The following BCL2 variants were observed in gnomAD, a reference collection of about 807,000 sequenced individuals.
BCL2 encodes the protein BCL2 apoptosis regulator.
In BCL2, 1 loss-of-function variant was observed where a neutral mutation model predicts 14.2. The ratio of observed to expected loss-of-function variants is 0.07; its 90% CI spans 0.02 to 0.33. The LOEUF (loss-of-function observed/expected upper bound fraction) is 0.33, where lower values mean the gene tolerates loss of function less well. Among genes scored for constraint, BCL2 ranks in the 10% least tolerant of loss-of-function variants. The probability of loss-of-function intolerance (pLI) is 0.99; values close to 1 mark genes in which losing one functional copy is unlikely to be tolerated. For synonymous variants in BCL2, 151 were observed against 137.2 expected (o/e 1.10, Z -0.70); for missense variants, 247 against 305.9 (o/e 0.81, Z 1.44).
intron 2 of BCL2, among the ~76,000 whole-genome samples, chr18:63,234,578 C>T (rs141192220): frequency 4.4e-4 from 67 of 152,292 alleles, no homozygotes; most frequent in Admixed American, 1.2e-3. Flanking sequence ...AACACTACCA[C>T]GCTGAGTGAC....
intron 2 of BCL2, among the ~76,000 whole-genome samples, chr18:63,263,591 A>G (rs1911725350): frequency 6.6e-6 from 1 of 152,178 alleles, no homozygotes. Context: ...TTTCTAGTTC[A>G]TTACTTTTAC....
intron 2 of BCL2, among the ~76,000 whole-genome samples, chr18:63,160,818 G>A (rs765059067): frequency 9.9e-5 from 15 of 152,024 alleles, no homozygotes; most frequent in Admixed American, 2.0e-4. Flanking sequence ...GTGGGGGTAA[G>A]GGTACCCCTG....
chr18:63,302,703 A>G, intron 2 of BCL2: 3 of 985,206 alleles, frequency 3.0e-6, no homozygotes, highest in Non-Finnish European at 3.6e-6. Context: ...AATAAATGAG[A>G]AAGTAGGGGG....
intron 2 of BCL2, among the ~76,000 whole-genome samples, chr18:63,171,423 A>C (rs1915217709): frequency 6.6e-6 from 1 of 152,236 alleles, no homozygotes; most frequent in South Asian, 2.1e-4. Flanking sequence ...GATCCTGATA[A>C]ACTCAGATAA....
chr18:63,233,676 T>C (rs1367263091), intron 2 of BCL2, among the ~76,000 whole-genome samples: 1 of 152,148 alleles, frequency 6.6e-6, no homozygotes, highest in Non-Finnish European at 1.5e-5. Flanking sequence ...CCTTCTGCGG[T>C]GCTGCCAGGT....
intron 2 of BCL2, among the ~76,000 whole-genome samples, chr18:63,213,547 A>AACAC (rs57058660): frequency 0.34 from 50,295 of 146,136 alleles, 9,141 homozygotes; most frequent in Middle Eastern, 0.49. Context: ...CACACACATA[A>AACAC]ACACACACAC....
intron 2 of BCL2, among the ~76,000 whole-genome samples, chr18:63,280,741 A>G (rs1196114859): frequency 1.3e-5 from 2 of 152,250 alleles, no homozygotes; most frequent in East Asian, 3.8e-4. Context: ...GTAGAAATGT[A>G]AAATGGTGCA....
intron 2 of BCL2, among the ~76,000 whole-genome samples, chr18:63,263,771 T>C (rs1911731908): frequency 6.6e-6 from 1 of 152,174 alleles, no homozygotes; most frequent in Non-Finnish European, 1.5e-5. Context: ...TTACTCCTCT[T>C]CAACTCAGTA....
intron 2 of BCL2, among the ~76,000 whole-genome samples, chr18:63,183,389 T>C (rs1244586266): frequency 1.3e-5 from 2 of 152,064 alleles, no homozygotes; most frequent in African/African-American, 4.8e-5. Context: ...GCAGGCTTCA[T>C]GGAAGTTGAG....
rs1479467255 is a variant in BCL2 at position 63,194,901 on chromosome 18, G to A, written c.586-66142C>T. Among the ~76,000 whole-genome samples the A allele has an allele frequency of 5.3e-5, 8 of 152,172 alleles. No homozygotes were observed. The East Asian group carries it at 9.6e-4, about 18-fold the overall frequency. On this transcript the variant is annotated intron_variant, in intron 2 of 2. Coordinates refer to ENST00000333681, the MANE Select transcript of BCL2 (RefSeq NM_000633.3). ...GACTCAGCTTCAGGATCTGAGAGTC[G>A]GCCTGGGGAAGTCCTGGTAACCTGC...
At chr18:63,131,988 C>A (rs1914080408) in intron 2 of BCL2, among the ~76,000 whole-genome samples, 1 of 152,206 alleles carries the variant, frequency 6.6e-6, no homozygotes. Flanking sequence ...AATAACAGTG[C>A]TTCTCATGAA....
At chr18:63,303,400 C>T (rs1025680015) in intron 2 of BCL2, among the ~76,000 whole-genome samples, 2 of 152,090 alleles carry the variant, frequency 1.3e-5, no homozygotes, top group African/African-American at 4.8e-5. Context: ...TATGAGAGAA[C>T]TTAAAATTAC....
intron 2 of BCL2, among the ~76,000 whole-genome samples, chr18:63,266,255 T>C (rs1487673762): frequency 6.6e-6 from 1 of 151,904 alleles, no homozygotes; most frequent in Non-Finnish European, 1.5e-5. Flanking sequence ...AGGAAGCTCT[T>C]AATATATTGA....
chr18:63,238,823 CA>C (rs1160515135), intron 2 of BCL2, among the ~76,000 whole-genome samples: 3 of 152,322 alleles, frequency 2.0e-5, no homozygotes, highest in Non-Finnish European at 4.4e-5. Context: ...AGGGTACCAG[CA>C]AGATGAGCGT....
At chr18:63,195,723 T>C in intron 2 of BCL2, among the ~76,000 whole-genome samples, 1 of 152,160 alleles carries the variant, frequency 6.6e-6, no homozygotes, top group South Asian at 2.1e-4. Flanking sequence ...CAAAATAAAA[T>C]ACTGTTTGTA....
At chr18:63,218,760 CCCTCTACT>C (rs1910293690) in intron 2 of BCL2, among the ~76,000 whole-genome samples, 3 of 6,474 alleles carry the variant, frequency 4.6e-4, no homozygotes, top group African/African-American at 4.6e-4. Context: ...CCACTCATCC[CCCTCTACT>C]CATCCCCATC....
At chr18:63,277,389 T>C (rs1349704417) in intron 2 of BCL2, among the ~76,000 whole-genome samples, 1 of 151,898 alleles carries the variant, frequency 6.6e-6, no homozygotes, top group Non-Finnish European at 1.5e-5. Context: ...TCCCAATGCT[T>C]TGGGAGACCA....
At chr18:63,226,759 T>C (rs373043663) in intron 2 of BCL2, among the ~76,000 whole-genome samples, 13 of 152,152 alleles carry the variant, frequency 8.5e-5, no homozygotes, top group Middle Eastern at 3.4e-3. Flanking sequence ...AGTGTTAACA[T>C]TGGTTACCTT....
chr18:63,187,813 T>C (rs1915625146), intron 2 of BCL2, among the ~76,000 whole-genome samples: 1 of 152,220 alleles, frequency 6.6e-6, no homozygotes, highest in Non-Finnish European at 1.5e-5. Context: ...CTAATACAGA[T>C]TACGTTACTT....
Sources: allele counts gnomAD v4.1 joint callset (sites outside exome capture counted in the v4.1 genomes callset), GRCh38; gene constraint gnomAD v4.1.1; transcripts MANE v1.5; gene names NCBI Gene and HGNC (gene_info 2026-07-23, HGNC 2026-07-21).